Variants in KMT2C observed in about 807,000 individuals in gnomAD.
KMT2C encodes lysine methyltransferase 2C.
Under a neutral mutation model 507.9 loss-of-function variants are expected in KMT2C, and 88 were observed. The observed-to-expected ratio is 0.17, with a 90% CI of 0.15 to 0.21. The LOEUF (loss-of-function observed/expected upper bound fraction) is 0.21. Among genes scored for constraint, KMT2C ranks in the 10% least tolerant of loss-of-function variants. KMT2C has a pLI of 1.00. For missense variants in KMT2C, 4,954 were observed against 5,957.8 expected, an observed-to-expected ratio of 0.83 and a Z score of 5.55; for synonymous variants, 2,049 against 2,080.8, an observed-to-expected ratio of 0.98 and a Z score of 0.42.
Position 152,155,977 on chromosome 7 carries a change from C to T in KMT2C, c.11893G>A (p.Gly3965Ser). The T allele has an allele frequency of 6.2e-7, 1 of 1,610,814 alleles. No homozygotes were observed. The highest frequency in any genetic ancestry group is 1.1e-5 in the South Asian group (1 of 90,416). The change falls in exon 46 of 59, where the codon GGC becomes AGC. Residue 3965 changes from glycine to serine, a missense_variant. Gly to Ser is a moderately conservative substitution (Grantham distance 56). This residue lies in a region of KMT2C where 104 missense variants were observed against 134.3 expected (regional missense o/e 0.77). Coordinates refer to ENST00000262189, the MANE Select transcript of KMT2C (RefSeq NM_170606.3). The part of the protein sequence containing the change: ...DDLLARALAQ[G>S]PKTVDVPASL... ...GCTGGCACATCAACTGTCTTGGGGC[C>T]CTGAGCAAGAGCTCGGGCCAACAAG... is the stretch of plus-strand genomic sequence containing the variant.
intron 49 of KMT2C, among the ~76,000 whole-genome samples, 160 bp from the exon 50 acceptor site, chr7:152,151,741 C>T (rs981380624): frequency 3.9e-5 from 6 of 152,174 alleles, no homozygotes; most frequent in Middle Eastern, 3.4e-3. Flanking sequence ...GTTACAGAGT[C>T]GATTATCTGA....
chr7:152,162,157 T>C lies in KMT2C; in HGVS notation c.11420A>G (p.Asp3807Gly), dbSNP rs755067787. The change falls in exon 43 of 59, where the codon GAT becomes GGT. Residue 3807 changes from aspartate (D) to glycine (G), a missense_variant. Coordinates refer to ENST00000262189, the MANE Select transcript of KMT2C (RefSeq NM_170606.3). The part of the protein sequence containing the change: ...SICSEDDCTK[D>G]NKLVEKQNPA... ...GTTCTGCTTCTCAACTAGTTTATTA[T>C]CCTTTGTACAGTCATCTTCTGAACA... 2 of 1,593,018 alleles carry C rather than the reference T, an allele frequency of 1.3e-6. No homozygotes were observed. The highest frequency in any genetic ancestry group is 1.4e-5 in the African/African-American group (1 of 73,834).
At chr7:152,308,149 C>T (rs765478197) in intron 6 of KMT2C, among the ~76,000 whole-genome samples, 3 of 152,162 alleles carry the variant, frequency 2.0e-5, no homozygotes, top group Admixed American at 6.5e-5. Flanking sequence ...GACTTCACTA[C>T]TCTTGAGGTG....
chr7:152,147,882 G>A (rs2091297354), intron 52 of KMT2C, 151 bp downstream of exon 52: 1 of 794,166 alleles, frequency 1.3e-6, no homozygotes, highest in African/African-American at 1.7e-5. Flanking sequence ...AGCAAGGTGT[G>A]AGAACACAAA....
intron 43 of KMT2C, among the ~76,000 whole-genome samples, chr7:152,159,577 C>A (rs1332295309): frequency 6.6e-6 from 1 of 152,122 alleles, no homozygotes. Flanking sequence ...TAGCACCAGA[C>A]AACAATAAAA....
chr7:152,344,258 GA>G (rs1203331621), intron 2 of KMT2C, among the ~76,000 whole-genome samples: 1 of 152,122 alleles, frequency 6.6e-6, no homozygotes, highest in Non-Finnish European at 1.5e-5. Flanking sequence ...GCGGATGCCT[GA>G]AACCAAATAA....
Position 152,201,155 on chromosome 7 carries a change from C to G in KMT2C, c.4093-1696G>C, listed in dbSNP as rs114037514. 2.8e-3 allele frequency among the ~76,000 whole-genome samples: 428 copies of G among 152,220 alleles called. 3 individuals carry two copies. Among genetic ancestry groups the G allele is most frequent in the African/African-American group, 9.9e-3 (411 of 41,526 alleles). On this transcript the variant is annotated intron_variant, in intron 26 of 58. Coordinates refer to ENST00000262189, the MANE Select transcript of KMT2C (RefSeq NM_170606.3). ...TGACTTTACTGGTGTTTATCAAAAA[C>G]TGTGTCACCCTTATTAATTTAGTGT...
chr7:152,169,385 T>C, intron 40 of KMT2C, 136 bp from the exon 41 acceptor site: 1 of 621,414 alleles, frequency 1.6e-6, no homozygotes. Context: ...TTAAAGGTTT[T>C]TTTATAAAAA....
At chr7:152,389,043 C>T (rs1409364554) in intron 1 of KMT2C, among the ~76,000 whole-genome samples, 2 of 152,054 alleles carry the variant, frequency 1.3e-5, no homozygotes, top group African/African-American at 2.4e-5. Context: ...CCACCGCGCC[C>T]GACCAACTTT....
chr7:152,244,127 C>A (rs2095431022), intron 14 of KMT2C, among the ~76,000 whole-genome samples: 1 of 152,168 alleles, frequency 6.6e-6, no homozygotes, highest in African/African-American at 2.4e-5. Flanking sequence ...TTATTTTCCA[C>A]CATTTTTAAA....
At chr7:152,398,608 C>T (rs1333232184) in intron 1 of KMT2C, among the ~76,000 whole-genome samples, 1 of 152,004 alleles carries the variant, frequency 6.6e-6, no homozygotes, top group Non-Finnish European at 1.5e-5. Context: ...ACATGTTGCC[C>T]AGGCTGGCCT....
At chr7:152,212,780 C>T (rs1283652687) in intron 23 of KMT2C, among the ~76,000 whole-genome samples, 15 of 152,260 alleles carry the variant, frequency 9.9e-5, no homozygotes, top group Non-Finnish European at 2.2e-4. Flanking sequence ...GTGGCTCACG[C>T]CTGTAATCCC....
At chr7:152,382,327 C>T (rs1290129294) in intron 1 of KMT2C, among the ~76,000 whole-genome samples, 1 of 152,138 alleles carries the variant, frequency 6.6e-6, no homozygotes, top group Admixed American at 6.6e-5. Flanking sequence ...ACCCTGTTGG[C>T]TCATGCCACT....
rs753497263 is a variant in KMT2C at position 152,145,213 on chromosome 7, G to C, written c.14114C>G (p.Pro4705Arg). ...PLMELPLAVN[P>R]TGCARSEPKM... is the part of the protein sequence containing the mutation. ...AGGTTCAGAACGGGCACAACCTGTG[G>C]GGTTAACGGCAAGAGGAAGTTCCAT... The change falls in exon 54 of 59, where the codon CCC becomes CGC. Residue 4705 changes from proline (P) to arginine (R), a missense_variant. Physicochemically the swap from Pro to Arg is moderately radical, Grantham distance 103 (BLOSUM62 -2). Coordinates refer to ENST00000262189, the MANE Select transcript of KMT2C (RefSeq NM_170606.3). 6.2e-7 allele frequency: 1 copy of C among 1,614,126 alleles called. No individual in the cohort carries two copies. Among genetic ancestry groups the C allele is most frequent in the Admixed American group, 1.7e-5 (1 of 60,014 alleles).
Position 152,143,121 on chromosome 7 carries a change from A to G in KMT2C, c.14343+1592T>C, listed in dbSNP as rs190965139. On this transcript the variant is annotated intron_variant, in intron 55 of 58. Coordinates refer to ENST00000262189, the MANE Select transcript of KMT2C (RefSeq NM_170606.3). ...AAGAGTGAATGGACTATTTAAAATG[A>G]AAAGTAATTGACTTAGCAGGGGAAA... Among the ~76,000 whole-genome samples, 3 of 152,252 alleles carry G rather than the reference A, an allele frequency of 2.0e-5. No individual in the cohort carries two copies. The East Asian group carries it at 5.8e-4, about 29-fold the overall frequency.
intron 7 of KMT2C, among the ~76,000 whole-genome samples, chr7:152,265,411 T>C (rs988538207): frequency 6.6e-6 from 1 of 152,190 alleles, no homozygotes; most frequent in African/African-American, 2.4e-5. Context: ...ACATTAAATT[T>C]AATCGTATAG....
chr7:152,273,200 T>C (rs539230486), intron 7 of KMT2C, among the ~76,000 whole-genome samples: 2 of 152,256 alleles, frequency 1.3e-5, no homozygotes, highest in Non-Finnish European at 2.9e-5. Context: ...AAGACTAAGA[T>C]AGATGAATCA....
In KMT2C at chr7:152,194,490, T is replaced by G. The variant is rs1167055916; in HGVS notation, c.4457A>C (p.Glu1486Ala). ...AGGACTGAGGATCCCATCTAGCTGT[T>G]CTTCACTTAATGGTCGTGAACTCTG... ...VNQSSRPLSEEQLDGILSPEL... is the reference protein window; with the variant it reads ...VNQSSRPLSEAQLDGILSPEL... Residue 1486 changes from glutamate to alanine, a missense_variant, in exon 29 of 59, where the codon GAA (glutamate) becomes GCA (alanine). By Grantham distance (107) the Glu-to-Ala change is moderately radical. Coordinates refer to ENST00000262189, the MANE Select transcript of KMT2C (RefSeq NM_170606.3). 1.9e-6 allele frequency: 3 copies of G among 1,613,320 alleles called. No homozygotes were observed. The highest frequency in any genetic ancestry group is 1.7e-5 in the Admixed American group (1 of 59,998).
intron 1 of KMT2C, among the ~76,000 whole-genome samples, chr7:152,419,223 C>T (rs1268939063): frequency 2.6e-5 from 4 of 151,822 alleles, no homozygotes; most frequent in African/African-American, 9.7e-5. Context: ...TGGTGGCAGA[C>T]GCCTGTAATC....
Sources: allele counts gnomAD v4.1 joint callset (sites outside exome capture counted in the v4.1 genomes callset), GRCh38; gene constraint gnomAD v4.1.1; regional missense constraint gnomAD v4.1.1; transcripts MANE v1.5; gene names NCBI Gene and HGNC (gene_info 2026-07-23, HGNC 2026-07-21).